The following CLIC6 variants were observed in gnomAD, a reference collection of about 807,000 sequenced individuals.
The protein encoded by CLIC6 is CLIC family member 6.
Under a neutral mutation model 49.2 loss-of-function variants are expected in CLIC6, and 39 were observed. That is an observed-to-expected ratio of 0.79 (90% CI 0.61 to 1.04). The LOEUF is 1.04. Among genes scored for constraint, CLIC6 ranks in the 50% least tolerant of loss-of-function variants. The pLI is 0.00. For missense variants in CLIC6, 988 were observed against 993.1 expected (o/e 0.99, Z 0.07); for synonymous variants, 446 against 433.4 (o/e 1.03, Z -0.36).
intron 5 of CLIC6, among the ~76,000 whole-genome samples, chr21:34,710,528 C>T (rs2056049095): frequency 6.6e-6 from 1 of 152,078 alleles, no homozygotes; most frequent in Admixed American, 6.5e-5. Flanking sequence ...AATGTGAGTC[C>T]CCGGGCCAGG....
At chr21:34,707,470 C>CACACACACACACACACACACACA in intron 2 of CLIC6, 81 bp downstream of exon 2, 4 of 886,716 alleles carry the variant, frequency 4.5e-6, no homozygotes, top group African/African-American at 3.3e-5. Flanking sequence ...CACACACACA[C>CACACACACACACACACACACACA]CTGAGGCCAA....
At chr21:34,713,630 A>G (rs544004802) in intron 5 of CLIC6, among the ~76,000 whole-genome samples, 2 of 152,314 alleles carry the variant, frequency 1.3e-5, no homozygotes, top group East Asian at 1.9e-4. Context: ...GAGATCCCAG[A>G]TATACATGAT....
chr21:34,707,966 C>A lies in CLIC6; in HGVS notation c.1507C>A (p.Leu503Met), dbSNP rs1401328825. 1 of 1,614,172 alleles carries A rather than the reference C, an allele frequency of 6.2e-7. No homozygotes were observed. Among genetic ancestry groups the A allele is most frequent in the Admixed American group, 1.7e-5 (1 of 60,016 alleles). ...LKRKPADLQN[L>M]APGTNPPFMT... ...TAGGAAACCCGCAGACCTGCAGAAC[C>A]TGGCTCCCGGAACAAACCCTCCTTT... is the stretch of plus-strand genomic sequence containing the variant. Residue 503 changes from leucine to methionine, a missense_variant, in exon 3 of 6, where the codon CTG (leucine) becomes ATG (methionine). Leu to Met is a conservative substitution (Grantham distance 15, BLOSUM62 2). Transcript: ENST00000349499.
chr21:34,685,596 G>A (rs1478177834), intron 1 of CLIC6, among the ~76,000 whole-genome samples: 3 of 152,142 alleles, frequency 2.0e-5, no homozygotes, highest in African/African-American at 4.8e-5. Context: ...TCCCATAAAT[G>A]ATCAAACTGG....
rs150974458 is a variant in CLIC6, at chr21:34,689,413, G to A, written c.1375-17867G>A. ...TTTTCCTTTGGGGATTGGGAGGTGC[G>A]TGCAGAACAACACCAGAGATGGCTT... On this transcript the variant is annotated intron_variant, in intron 1 of 5. Transcript: ENST00000349499. 1.1e-4 allele frequency among the ~76,000 whole-genome samples: 16 copies of A among 152,282 alleles called. No individual in the cohort carries two copies. The East Asian group carries it at 1.4e-3, about 13-fold the overall frequency.
chr21:34,670,697 G>A lies in CLIC6; in HGVS notation c.1309G>A (p.Glu437Lys). The stretch of plus-strand genomic sequence containing the variant: ...GGCCGCGCGCGTGAACGGCCGCCGG[G>A]AGGACGGAGAGGCGTCCGAGCCCCG... ...GEAARVNGRR[E>K]DGEASEPRAL... Residue 437 changes from glutamate (E) to lysine (K), a missense_variant, in exon 1 of 6, where the codon GAG becomes AAG. Around this residue, in one of 3 missense-constraint regions of CLIC6, gnomAD observed 647 missense variants for 596.9 expected, o/e 1.08. Coordinates refer to ENST00000349499, the MANE Select transcript of CLIC6 (RefSeq NM_053277.3). The A allele has an allele frequency of 6.3e-7, 1 of 1,587,988 alleles. No individual in the cohort carries two copies. Among genetic ancestry groups the A allele is most frequent in the Non-Finnish European group, 8.5e-7 (1 of 1,171,170 alleles).
intron 1 of CLIC6, among the ~76,000 whole-genome samples, chr21:34,678,524 G>C (rs1301509574): frequency 6.6e-6 from 1 of 152,050 alleles, no homozygotes; most frequent in African/African-American, 2.4e-5. Context: ...ATACAAAATT[G>C]GAGTTCGATT....
At chr21:34,714,653 C>T (rs550555749) in intron 5 of CLIC6, among the ~76,000 whole-genome samples, 5 of 151,090 alleles carry the variant, frequency 3.3e-5, no homozygotes, top group African/African-American at 9.7e-5. Flanking sequence ...CTCCACTGTA[C>T]TCCAGCCTGG....
In CLIC6 at chr21:34,670,292, G is replaced by C; in HGVS notation, c.904G>C (p.Gly302Arg). 1.2e-5 allele frequency: 17 copies of C among 1,443,704 alleles called. No individual in the cohort carries two copies. Among genetic ancestry groups the C allele is most frequent in the African/African-American group, 1.5e-5 (1 of 66,862 alleles). 89.4% of individuals were successfully genotyped at this position (1,443,704 alleles called of 1,614,324 possible). A position where few individuals can be genotyped will look rare whatever the true frequency, so the allele number is the denominator to read the frequency against. The change falls in exon 1 of 6, where the codon GGC (glycine) becomes CGC (arginine). Residue 302 changes from glycine (G) to arginine (R), a missense_variant. Gly to Arg is a moderately radical substitution (Grantham distance 125). Around this residue, in one of 3 missense-constraint regions of CLIC6, gnomAD observed 647 missense variants for 596.9 expected, o/e 1.08. Coordinates refer to ENST00000349499, the MANE Select transcript of CLIC6 (RefSeq NM_053277.3). ...GGGTGAGCCGCAGCAATCGGGGGAC[G>C]GCAGCCTCTCGCCCCAGGCCGAGGC... ...VSGEPQQSGD[G>R]SLSPQAEAIE...
chr21:34,679,830 CCA>C (rs1989741178), intron 1 of CLIC6, among the ~76,000 whole-genome samples: 1 of 62 alleles, frequency 0.016, no homozygotes, highest in Non-Finnish European at 0.033. Flanking sequence ...AGGTGGGCCC[CCA>C]TGTGGCCTTG....
At chr21:34,696,963 G>A (rs911449737) in intron 1 of CLIC6, among the ~76,000 whole-genome samples, 1 of 152,082 alleles carries the variant, frequency 6.6e-6, no homozygotes, top group Non-Finnish European at 1.5e-5. Flanking sequence ...CAGGTACACA[G>A]GGCACTCTTT....
At chr21:34,684,040 G>A (rs1389621540) in intron 1 of CLIC6, among the ~76,000 whole-genome samples, 1 of 149,992 alleles carries the variant, frequency 6.7e-6, no homozygotes, top group Non-Finnish European at 1.5e-5. Context: ...TCTTTTAATA[G>A]TATATGGCTG....
intron 5 of CLIC6, among the ~76,000 whole-genome samples, chr21:34,711,769 G>A (rs1275045505): frequency 6.6e-6 from 1 of 152,000 alleles, no homozygotes; most frequent in Non-Finnish European, 1.5e-5. Flanking sequence ...TGAAATGCAG[G>A]CCTTCAGGAG....
intron 1 of CLIC6, among the ~76,000 whole-genome samples, chr21:34,692,784 G>A (rs1990019870): frequency 6.6e-6 from 1 of 152,206 alleles, no homozygotes; most frequent in South Asian, 2.1e-4. Context: ...AGGAAGAGAA[G>A]GCAGGTGCCT....
chr21:34,716,201 T>C (rs1568973897), intron 5 of CLIC6, 120 bp from the exon 6 acceptor site: 1 of 835,678 alleles, frequency 1.2e-6, no homozygotes. Flanking sequence ...CGGATGACTG[T>C]GGGATGACAT....
At chr21:34,696,341 C>A (rs556702668) in intron 1 of CLIC6, among the ~76,000 whole-genome samples, 9 of 152,326 alleles carry the variant, frequency 5.9e-5, no homozygotes, top group Admixed American at 5.2e-4. Flanking sequence ...TTTCCACCTG[C>A]TTCTGATATG....
At chr21:34,701,580 G>T (rs942077951) in intron 1 of CLIC6, among the ~76,000 whole-genome samples, 3 of 152,044 alleles carry the variant, frequency 2.0e-5, no homozygotes, top group African/African-American at 7.2e-5. Flanking sequence ...TTAAAAAAGG[G>T]AGAAACTGAG....
chr21:34,701,691 C>T (rs910551259), intron 1 of CLIC6, among the ~76,000 whole-genome samples: 11 of 152,180 alleles, frequency 7.2e-5, no homozygotes, highest in Admixed American at 1.3e-4. Flanking sequence ...CACCCATTCC[C>T]GTCCACCATG....
intron 1 of CLIC6, among the ~76,000 whole-genome samples, chr21:34,672,400 G>T (rs546179893): frequency 1.3e-5 from 2 of 152,258 alleles, no homozygotes; most frequent in East Asian, 3.9e-4. Flanking sequence ...TGTTCCTTGA[G>T]GGAGCCACGT....
Sources: gnomAD v4.1 joint callset for allele counts (sites outside exome capture counted in the v4.1 genomes callset) on GRCh38, gnomAD v4.1.1 for gene constraint, gnomAD v4.1.1 regional missense constraint, MANE v1.5 for transcripts, NCBI Gene and HGNC (gene_info 2026-07-23, HGNC 2026-07-21) for gene names.